The following SLC2A13 variants were observed in gnomAD, a reference collection of about 807,000 sequenced individuals.
The protein encoded by SLC2A13 is solute carrier family 2 member 13.
Under a neutral mutation model 64.4 loss-of-function variants are expected in SLC2A13, and 32 were observed. The observed-to-expected ratio is 0.50, with a 90% CI of 0.37 to 0.67. SLC2A13 has a LOEUF of 0.67. Among genes scored for constraint, SLC2A13 ranks in the 30% least tolerant of loss-of-function variants. SLC2A13 has a pLI of 0.00. For synonymous variants in SLC2A13, 338 were observed against 327.1 expected (o/e 1.03, Z -0.36); for missense variants, 743 against 829.2 (o/e 0.90, Z 1.28).
At chr12:39,819,566 T>A (rs1381445822) in intron 7 of SLC2A13, among the ~76,000 whole-genome samples, 2 of 152,176 alleles carry the variant, frequency 1.3e-5, no homozygotes, top group Admixed American at 6.5e-5. Flanking sequence ...CATTTACCTT[T>A]TCTCTCAAAT....
chr12:40,036,646 TTATC>T (rs1251975657), intron 2 of SLC2A13, among the ~76,000 whole-genome samples: 2 of 152,232 alleles, frequency 1.3e-5, no homozygotes, highest in Non-Finnish European at 2.9e-5. Context: ...ACTGATTCAT[TTATC>T]TACTGTTACC....
chr12:39,921,005 G>C lies in SLC2A13; in HGVS notation c.1034+30252C>G, dbSNP rs1239514294. On this transcript the variant is annotated intron_variant, in intron 4 of 9. Coordinates refer to ENST00000280871, the MANE Select transcript of SLC2A13 (RefSeq NM_052885.4). Reference sequence around the variant, plus strand: ...GTAAAAAATTTGGCAAACAGACAAAGAGTAGTTCAAATACAGAAAACCACA... The same window carrying C: ...GTAAAAAATTTGGCAAACAGACAAACAGTAGTTCAAATACAGAAAACCACA... Among the ~76,000 whole-genome samples the C allele has an allele frequency of 2.6e-5, 4 of 152,174 alleles. No homozygotes were observed. In the East Asian group the frequency reaches 7.7e-4, roughly 29 times the overall value.
At chr12:40,080,791 T>C (rs1938367408) in intron 1 of SLC2A13, among the ~76,000 whole-genome samples, 1 of 152,228 alleles carries the variant, frequency 6.6e-6, no homozygotes, top group Admixed American at 6.5e-5. Flanking sequence ...AATTGCTCTA[T>C]AGTGTCAGTG....
At position 40,080,680 on chromosome 12, in the gene SLC2A13, CA is replaced by C. The variant is rs1938362717; in HGVS notation, c.556+24572del. Among the ~76,000 whole-genome samples the C allele has an allele frequency of 2.6e-5, 4 of 152,338 alleles. No individual in the cohort carries two copies. The South Asian group carries it at 8.3e-4, about 32-fold the overall frequency. On this transcript the variant is annotated intron_variant, in intron 1 of 9. Transcript: ENST00000280871. ...GGGTTGGGATTACAGGCATAAGCCA[CA>C]ACACCTGGCCTTGTTTAAAATGTTC... is the stretch of plus-strand genomic sequence containing the variant.
chr12:39,963,459 CCTA>C (rs1482655495), intron 3 of SLC2A13, among the ~76,000 whole-genome samples: 1 of 152,102 alleles, frequency 6.6e-6, no homozygotes, highest in Admixed American at 6.5e-5. Flanking sequence ...ATTTAACACT[CCTA>C]CACAGATTAC....
chr12:39,877,392 G>A (rs1442527441), intron 4 of SLC2A13, among the ~76,000 whole-genome samples: 1 of 151,958 alleles, frequency 6.6e-6, no homozygotes, highest in East Asian at 1.9e-4. Flanking sequence ...GAACAGAATT[G>A]GAACCCCCCC....
intron 7 of SLC2A13, among the ~76,000 whole-genome samples, chr12:39,775,450 A>C (rs962046111): frequency 2.6e-5 from 4 of 152,228 alleles, no homozygotes; most frequent in African/African-American, 9.6e-5. Flanking sequence ...GTCATTGTGA[A>C]GTTAACAGGC....
intron 7 of SLC2A13, chr12:39,829,291 C>T (rs1942780789): frequency 6.7e-6 from 1 of 149,708 alleles, no homozygotes; most frequent in South Asian, 2.1e-4. Context: ...CAATGACTAC[C>T]AAATTTTATC....
At chr12:40,067,804 G>T (rs1488829078) in intron 1 of SLC2A13, among the ~76,000 whole-genome samples, 1 of 152,102 alleles carries the variant, frequency 6.6e-6, no homozygotes, top group African/African-American at 2.4e-5. Context: ...ATTAGTCAAA[G>T]AATATTCAGC....
intron 7 of SLC2A13, among the ~76,000 whole-genome samples, chr12:39,767,601 GAAGGCA>G (rs1566763712): frequency 2.0e-5 from 3 of 152,034 alleles, no homozygotes; most frequent in African/African-American, 7.2e-5. Flanking sequence ...TCTTCCAACA[GAAGGCA>G]GTTTCATCTA....
At chr12:39,981,880 G>A (rs1351942648) in intron 3 of SLC2A13, among the ~76,000 whole-genome samples, 1 of 114,316 alleles carries the variant, frequency 8.7e-6, no homozygotes, top group East Asian at 2.6e-4. Flanking sequence ...CCAAAAAAGA[G>A]AATTTTAGAC....
At chr12:40,092,006 A>G (rs1253040125) in intron 1 of SLC2A13, among the ~76,000 whole-genome samples, 2 of 152,108 alleles carry the variant, frequency 1.3e-5, no homozygotes, top group Non-Finnish European at 2.9e-5. Context: ...GACCTCATCA[A>G]CCTTCCTCTG....
intron 7 of SLC2A13, among the ~76,000 whole-genome samples, chr12:39,814,323 A>AATT (rs1306700443): frequency 6.6e-6 from 1 of 152,176 alleles, no homozygotes; most frequent in Non-Finnish European, 1.5e-5. Context: ...ATGTACTTAT[A>AATT]ATTTCCTCTT....
At chr12:39,919,931 T>C (rs1945586175) in intron 4 of SLC2A13, among the ~76,000 whole-genome samples, 1 of 150,440 alleles carries the variant, frequency 6.6e-6, no homozygotes, top group African/African-American at 2.5e-5. Flanking sequence ...TCTTAAATGA[T>C]TTTTTTTTGT....
At chr12:39,899,325 A>T (rs7956925) in intron 4 of SLC2A13, among the ~76,000 whole-genome samples, 66,417 of 151,814 alleles carry the variant, frequency 0.44, 15,112 homozygotes, top group Middle Eastern at 0.52. Flanking sequence ...ATTGGTGGTG[A>T]TATCCCCTTT....
chr12:40,093,583 G>A (rs1938836388), intron 1 of SLC2A13, among the ~76,000 whole-genome samples: 1 of 152,178 alleles, frequency 6.6e-6, no homozygotes, highest in African/African-American at 2.4e-5. Flanking sequence ...AACTGGTGGT[G>A]GGAGCTGCAA....
rs757215749 is a variant in SLC2A13 at position 40,105,292 on chromosome 12, T to A, written c.517A>T (p.Thr173Ser). ...AVLAAANNKE[T>S]LLAGRLVVGL... ...ACGACCAGGCGGCCGGCGAGCAGTG[T>A]CTCCTTGTTGTTGGCCGCAGCCAGC... Residue 173 changes from threonine (T) to serine (S), a missense_variant, in exon 1 of 10, where the codon ACA becomes TCA. Physicochemically the swap from Thr to Ser is moderately conservative, Grantham distance 58 (BLOSUM62 1). This residue lies in a region of SLC2A13 where 448 missense variants were observed against 447.4 expected (regional missense o/e 1.00). Coordinates refer to ENST00000280871, the MANE Select transcript of SLC2A13 (RefSeq NM_052885.4). The surrounding 1 kb of genome is among the most constrained non-coding windows in gnomAD (Gnocchi z 4.2). 16 of 1,601,650 alleles carry A rather than the reference T, an allele frequency of 1.0e-5. No homozygotes were observed. The highest frequency in any genetic ancestry group is 1.7e-6 in the Non-Finnish European group (2 of 1,175,964).
intron 4 of SLC2A13, among the ~76,000 whole-genome samples, chr12:39,880,447 T>G (rs962624576): frequency 3.3e-5 from 5 of 152,076 alleles, no homozygotes; most frequent in Admixed American, 2.6e-4. Context: ...AAGCCAAAAT[T>G]AAAAGTTAGA....
chr12:39,902,777 C>T (rs945828254), intron 4 of SLC2A13, among the ~76,000 whole-genome samples: 4 of 152,000 alleles, frequency 2.6e-5, no homozygotes, highest in African/African-American at 7.2e-5. Flanking sequence ...TTTATATTTA[C>T]ATAGTTTATA....
Sources: gnomAD v4.1 joint callset for allele counts (sites outside exome capture counted in the v4.1 genomes callset) on GRCh38, gnomAD v4.1.1 for gene constraint, gnomAD v4.1.1 regional missense constraint, Gnocchi (gnomAD v3.1) non-coding constraint, MANE v1.5 for transcripts, NCBI Gene and HGNC (gene_info 2026-07-23, HGNC 2026-07-21) for gene names.